The following HDAC9 variants were observed in gnomAD, a reference collection of about 807,000 sequenced individuals.
HDAC9 encodes histone deacetylase 9, also known as MEF-2 interacting transcription repressor (MITR) protein.
A neutral mutation model predicts 139.4 loss-of-function variants in HDAC9; 41 were observed. The ratio of observed to expected loss-of-function variants is 0.29; its 90% CI spans 0.23 to 0.38. The LOEUF (loss-of-function observed/expected upper bound fraction) is 0.38. HDAC9 is among the 10% of genes least tolerant of loss of function. The pLI is 1.00. For missense variants in HDAC9, 1,147 were observed against 1,297.0 expected, an observed-to-expected ratio of 0.88 and a Z score of 1.78; for synonymous variants, 517 against 476.2, an observed-to-expected ratio of 1.09 and a Z score of -1.12.
intron 13 of HDAC9, among the ~76,000 whole-genome samples, chr7:18,733,244 TA>T (rs1477010926): frequency 6.7e-6 from 1 of 148,858 alleles, no homozygotes; most frequent in East Asian, 2.0e-4. Context: ...TACATGTGTA[TA>T]TATGTATATA....
chr7:18,709,668 A>G (rs1784203507), intron 12 of HDAC9, among the ~76,000 whole-genome samples: 1 of 152,206 alleles, frequency 6.6e-6, no homozygotes, highest in Non-Finnish European at 1.5e-5. Context: ...CTGTGAATAA[A>G]CCAGACACAT....
At chr7:18,975,101 A>G (rs1291927996) in intron 24 of HDAC9, among the ~76,000 whole-genome samples, 1 of 152,202 alleles carries the variant, frequency 6.6e-6, no homozygotes, top group Non-Finnish European at 1.5e-5. Flanking sequence ...GCTCTTTCAT[A>G]TTTATCCCAT....
chr7:18,296,204 C>G (rs1798137251), intron 1 of HDAC9, among the ~76,000 whole-genome samples: 1 of 152,148 alleles, frequency 6.6e-6, no homozygotes, highest in South Asian at 2.1e-4. Flanking sequence ...AAATAGAGGA[C>G]AGTGCTCCAC....
At chr7:18,192,337 G>A (rs1790408504) in intron 2 of HDAC9, among the ~76,000 whole-genome samples, 1 of 152,102 alleles carries the variant, frequency 6.6e-6, no homozygotes, top group Non-Finnish European at 1.5e-5. Context: ...CTTTTGCATA[G>A]CTATTGCATT....
At chr7:18,292,115 A>G (rs1038128084) in intron 1 of HDAC9, among the ~76,000 whole-genome samples, 2 of 151,990 alleles carry the variant, frequency 1.3e-5, no homozygotes, top group African/African-American at 4.8e-5. Flanking sequence ...TTTTTTTTCT[A>G]TACTATAGTA....
chr7:18,430,071 C>A (rs1790499594), intron 1 of HDAC9, among the ~76,000 whole-genome samples: 1 of 152,130 alleles, frequency 6.6e-6, no homozygotes, highest in Non-Finnish European at 1.5e-5. Flanking sequence ...GATATTAGGA[C>A]TTTGAGGCTT....
At chr7:18,448,017 T>C (rs1311236175) in intron 1 of HDAC9, among the ~76,000 whole-genome samples, 1 of 152,128 alleles carries the variant, frequency 6.6e-6, no homozygotes, top group Non-Finnish European at 1.5e-5. Context: ...ATTTTTGTAT[T>C]TGTAGTAGAG....
chr7:18,744,629 T>A (rs1339063244), intron 13 of HDAC9, among the ~76,000 whole-genome samples: 1 of 152,156 alleles, frequency 6.6e-6, no homozygotes, highest in African/African-American at 2.4e-5. Context: ...CTATAAAGAC[T>A]CTATAGACTC....
intron 1 of HDAC9, among the ~76,000 whole-genome samples, chr7:18,322,118 G>A (rs976334566): frequency 6.6e-6 from 1 of 152,106 alleles, no homozygotes; most frequent in Non-Finnish European, 1.5e-5. Context: ...TCATCTACAT[G>A]TAAAGCCTGT....
At chr7:18,235,049 C>T (rs1359583598) in intron 2 of HDAC9, among the ~76,000 whole-genome samples, 1 of 152,102 alleles carries the variant, frequency 6.6e-6, no homozygotes, top group Non-Finnish European at 1.5e-5. Context: ...TGTTCAGATT[C>T]TTCTTAGGGG....
chr7:18,582,026 T>C (rs949893115), intron 2 of HDAC9, among the ~76,000 whole-genome samples: 1 of 152,220 alleles, frequency 6.6e-6, no homozygotes, highest in Non-Finnish European at 1.5e-5. Flanking sequence ...AAGATTGATA[T>C]CAGTCTGCAT....
intron 13 of HDAC9, among the ~76,000 whole-genome samples, chr7:18,748,612 C>T (rs1788181244): frequency 6.6e-6 from 1 of 152,124 alleles, no homozygotes; most frequent in Admixed American, 6.5e-5. Flanking sequence ...TGTTTAGTGG[C>T]TCCAATGGTG....
intron 2 of HDAC9, among the ~76,000 whole-genome samples, chr7:18,240,891 A>G (rs532707166): frequency 6.6e-6 from 1 of 152,238 alleles, no homozygotes; most frequent in South Asian, 2.1e-4. Context: ...AGAAATTTGC[A>G]TTATTTGCCT....
intron 2 of HDAC9, among the ~76,000 whole-genome samples, chr7:18,522,897 C>T (rs966466968): frequency 6.6e-5 from 10 of 152,184 alleles, no homozygotes; most frequent in African/African-American, 2.2e-4. Flanking sequence ...AATTAACAAG[C>T]ATTTATGGAT....
intron 16 of HDAC9, among the ~76,000 whole-genome samples, chr7:18,791,214 A>ATGAT (rs557213513): frequency 6.9e-4 from 105 of 152,294 alleles, no homozygotes; most frequent in African/African-American, 2.3e-3. Flanking sequence ...AACAAAGCTT[A>ATGAT]TGATGTACTC....
intron 16 of HDAC9, among the ~76,000 whole-genome samples, chr7:18,784,293 G>A (rs965772507): frequency 2.0e-5 from 3 of 151,632 alleles, no homozygotes; most frequent in East Asian, 1.9e-4. Flanking sequence ...ACCCAGACTG[G>A]CCTCAAATTT....
At chr7:18,228,222 T>A (rs1388090068) in intron 2 of HDAC9, among the ~76,000 whole-genome samples, 1 of 152,148 alleles carries the variant, frequency 6.6e-6, no homozygotes, top group East Asian at 1.9e-4. Flanking sequence ...GAATTACTAT[T>A]CTTATTTGAA....
At chr7:18,410,050 CTT>C (rs1788396938) in intron 1 of HDAC9, among the ~76,000 whole-genome samples, 1 of 151,690 alleles carries the variant, frequency 6.6e-6, no homozygotes, top group Non-Finnish European at 1.5e-5. Flanking sequence ...GTCTGTTTCT[CTT>C]AGTATCATCA....
At chr7:18,451,423 A>ATATATATGTGTGTGTGTGTG in intron 1 of HDAC9, among the ~76,000 whole-genome samples, 1 of 134,332 alleles carries the variant, frequency 7.4e-6, no homozygotes, top group African/African-American at 2.9e-5. Context: ...GTGTGTGTGT[A>ATATATATGTGTGTGTGTGTG]TATATATGTG....
Sources: allele counts gnomAD v4.1 joint callset (sites outside exome capture counted in the v4.1 genomes callset), GRCh38; gene constraint gnomAD v4.1.1; transcripts MANE v1.5; gene names NCBI Gene and HGNC (gene_info 2026-07-23, HGNC 2026-07-21).